SRBD1: variants seen among roughly 807,000 people sequenced by gnomAD.
The protein encoded by SRBD1 is S1 RNA-binding domain-containing protein 1.
In SRBD1, 88 loss-of-function variants were observed where a neutral mutation model predicts 115.3. The ratio of observed to expected loss-of-function variants is 0.76; its 90% confidence interval spans 0.64 to 0.91. The LOEUF is 0.91. Among genes scored for constraint, SRBD1 ranks in the 40% least tolerant of loss-of-function variants. The probability of loss-of-function intolerance (pLI) is 0.00; values close to 1 mark genes in which losing one functional copy is unlikely to be tolerated. For synonymous variants in SRBD1, 509 were observed against 407.7 expected (o/e 1.25, Z -2.99); for missense variants, 1,385 against 1,177.4 (o/e 1.18, Z -2.58).
chr2:45,504,344 T>A (rs534549426), intron 14 of SRBD1, among the ~76,000 whole-genome samples: 3 of 152,216 alleles, frequency 2.0e-5, no homozygotes, highest in African/African-American at 7.2e-5. Flanking sequence ...CCCAAAAAAA[T>A]GACTTTTAGG....
chr2:45,553,778 G>A (rs751844587), intron 10 of SRBD1, 48 bp from the exon 11 acceptor site: 25 of 1,307,852 alleles, frequency 1.9e-5, no homozygotes, highest in Non-Finnish European at 2.5e-5. Context: ...CAATAAATAA[G>A]GCCATAAAAA....
chr2:45,526,113 G>C (rs1303472790), intron 14 of SRBD1, among the ~76,000 whole-genome samples: 1 of 151,972 alleles, frequency 6.6e-6, no homozygotes, highest in African/African-American at 2.4e-5. Flanking sequence ...GTATACCTAA[G>C]AGAAATGAGC....
chr2:45,588,786 T>C (rs745410985), intron 4 of SRBD1, among the ~76,000 whole-genome samples: 3 of 152,230 alleles, frequency 2.0e-5, no homozygotes, highest in Non-Finnish European at 2.9e-5. Context: ...TTCAAAGTTG[T>C]AGCCATTTTA....
intron 18 of SRBD1, among the ~76,000 whole-genome samples, chr2:45,416,278 C>A (rs74740686): frequency 2.6e-4 from 17 of 65,872 alleles, no homozygotes; most frequent in Non-Finnish European, 4.3e-4. Flanking sequence ...TTAAAAAAAA[C>A]AGGCATATAC....
chr2:45,498,184 C>A (rs1572704258), intron 14 of SRBD1, among the ~76,000 whole-genome samples: 1 of 151,906 alleles, frequency 6.6e-6, no homozygotes, highest in Non-Finnish European at 1.5e-5. Flanking sequence ...ACTCAATGTA[C>A]TTATTGGCCT....
At chr2:45,491,550 T>C (rs372888949) in intron 14 of SRBD1, among the ~76,000 whole-genome samples, 79 of 152,282 alleles carry the variant, frequency 5.2e-4, no homozygotes, top group African/African-American at 1.7e-3. Context: ...ACCAATACAT[T>C]AGTATTTCAA....
intron 16 of SRBD1, among the ~76,000 whole-genome samples, chr2:45,434,013 T>C (rs1165407541): frequency 4.6e-5 from 7 of 152,140 alleles, no homozygotes; most frequent in Non-Finnish European, 1.0e-4. Context: ...CCAGTGGTCA[T>C]AAGAGGGAAA....
chr2:45,414,805 TAC>T (rs1166843197), intron 18 of SRBD1, among the ~76,000 whole-genome samples: 6 of 136,128 alleles, frequency 4.4e-5, no homozygotes, highest in Admixed American at 7.1e-5. Flanking sequence ...ATATAGTATG[TAC>T]ACACACATAT....
At chr2:45,510,955 G>T (rs1670948507) in intron 14 of SRBD1, among the ~76,000 whole-genome samples, 2 of 152,190 alleles carry the variant, frequency 1.3e-5, no homozygotes, top group African/African-American at 4.8e-5. Context: ...AAGCACAAGT[G>T]TTTTCATAGT....
intron 19 of SRBD1, 97 bp downstream of exon 19, chr2:45,413,017 T>C (rs1178159228): frequency 4.4e-6 from 6 of 1,358,588 alleles, no homozygotes; most frequent in Non-Finnish European, 6.0e-6. Context: ...CATTAAACGG[T>C]CATATTTTTC....
chr2:45,566,386 AGGC>A (rs1199180825), intron 9 of SRBD1, among the ~76,000 whole-genome samples: 3 of 152,244 alleles, frequency 2.0e-5, no homozygotes, highest in Non-Finnish European at 4.4e-5. Flanking sequence ...TAAAAAGGAA[AGGC>A]ATACTAATAC....
intron 10 of SRBD1, among the ~76,000 whole-genome samples, chr2:45,556,789 TTAAGTA>T (rs767846101): frequency 3.5e-4 from 53 of 152,270 alleles, no homozygotes; most frequent in Non-Finnish European, 6.8e-4. Context: ...GTGGATTTAC[TTAAGTA>T]TATCTGTGCT....
At chr2:45,491,523 T>C (rs1038805902) in intron 14 of SRBD1, among the ~76,000 whole-genome samples, 20 of 148,796 alleles carry the variant, frequency 1.3e-4, no homozygotes, top group African/African-American at 4.6e-4. Context: ...ATTGCTATAG[T>C]TTAGACCTTC....
rs775774581 is a variant in SRBD1 at position 45,599,600 on chromosome 2, T to C, written c.497A>G (p.Lys166Arg). The change falls in exon 4 of 21, where the codon AAG becomes AGG. Residue 166 changes from lysine (K) to arginine (R), a missense_variant. By Grantham distance (26) the Lys-to-Arg change is conservative. Transcript: ENST00000263736. ...AAAGTCATCGTCATTCTCTTCCTTC[T>C]TGCATGTACCTCCCCACACAGTGCT... ...STSTVWGGTCKKEENDDDFTF... is the reference protein window; with the variant it reads ...STSTVWGGTCRKEENDDDFTF... 2.5e-6 allele frequency: 4 copies of C among 1,614,218 alleles called. No individual in the cohort carries two copies. Among genetic ancestry groups the C allele is most frequent in the East Asian group, 4.5e-5 (2 of 44,882 alleles).
At position 45,599,764 on chromosome 2, in the gene SRBD1, CAG is replaced by C. The variant is rs1206657453; in HGVS notation, c.331_332del (p.Leu111GlufsTer20). 1 of 1,614,174 alleles carries C rather than the reference CAG, an allele frequency of 6.2e-7. No individual in the cohort carries two copies. Among genetic ancestry groups the C allele is most frequent in the African/African-American group, 1.3e-5 (1 of 75,030 alleles). ...RKNKLDTVQTLKTAKTKQKCA... is the reference protein window; with the variant it reads ...RKNKLDTVQTXKTAKTKQKCA... ...ATTTCTGTTTTGTCTTGGCTGTTTT[CAG>C]AGTCTGTACAGTATCCAATTTATTT... On this transcript the variant is annotated frameshift_variant, in exon 4 of 21. Coordinates refer to ENST00000263736, the MANE Select transcript of SRBD1 (RefSeq NM_018079.5). LOFTEE classifies it high-confidence loss of function.
chr2:45,609,929 C>T (rs1052817352), intron 1 of SRBD1, among the ~76,000 whole-genome samples: 3 of 152,156 alleles, frequency 2.0e-5, no homozygotes, highest in African/African-American at 7.2e-5. Context: ...TAGAACCTAG[C>T]ACTTAACAGA....
chr2:45,447,123 C>T (rs955914667), intron 16 of SRBD1: 2 of 152,188 alleles, frequency 1.3e-5, no homozygotes, highest in Non-Finnish European at 2.9e-5. Context: ...GACTTTCTTC[C>T]TTTTCCCATC....
intron 6 of SRBD1, among the ~76,000 whole-genome samples, chr2:45,581,132 A>G (rs1673349997): frequency 6.6e-6 from 1 of 152,076 alleles, no homozygotes; most frequent in African/African-American, 2.4e-5. Flanking sequence ...CATTCTGCCA[A>G]ACTTCTCTGC....
chr2:45,544,819 CA>C (rs1672057137), intron 14 of SRBD1, among the ~76,000 whole-genome samples: 3 of 151,766 alleles, frequency 2.0e-5, no homozygotes, highest in Non-Finnish European at 2.9e-5. Context: ...CATAAAAAAA[CA>C]TATTGTTTAT....
Sources: gnomAD v4.1 joint callset for allele counts (sites outside exome capture counted in the v4.1 genomes callset) on GRCh38, gnomAD v4.1.1 for gene constraint, MANE v1.5 for transcripts, NCBI Gene and HGNC (gene_info 2026-07-23, HGNC 2026-07-21) for gene names.